OXR1: variants seen among roughly 807,000 people sequenced by gnomAD.
OXR1 encodes oxidation resistance 1.
A neutral mutation model predicts 104.6 loss-of-function variants in OXR1; 41 were observed. The observed-to-expected ratio is 0.39, with a 90% CI of 0.31 to 0.51. The LOEUF is 0.51. Among genes scored for constraint, OXR1 ranks in the 20% least tolerant of loss-of-function variants. The pLI is 0.77. For synonymous variants in OXR1, 348 were observed against 348.4 expected (o/e 1.00, Z 0.01); for missense variants, 955 against 1,031.9 (o/e 0.93, Z 1.02).
chr8:106,424,541 T>TA (rs1819032108), intron 2 of OXR1, among the ~76,000 whole-genome samples: 1 of 152,166 alleles, frequency 6.6e-6, no homozygotes, highest in African/African-American at 2.4e-5. Context: ...TGGTCATACT[T>TA]AGATTGTTTC....
chr8:106,357,949 G>A (rs1816051189), intron 1 of OXR1, among the ~76,000 whole-genome samples: 1 of 152,088 alleles, frequency 6.6e-6, no homozygotes, highest in African/African-American at 2.4e-5. Flanking sequence ...CTTACCGACA[G>A]GCACTTTGGT....
At chr8:106,549,425 T>C (rs532157556) in intron 3 of OXR1, among the ~76,000 whole-genome samples, 172 of 152,334 alleles carry the variant, frequency 1.1e-3, no homozygotes, top group Non-Finnish European at 1.9e-3. Flanking sequence ...TTAGCAAATA[T>C]GTATGAACAC....
At chr8:106,697,557 A>G in intron 7 of OXR1, 1 of 1,611,474 alleles carries the variant, frequency 6.2e-7, no homozygotes, top group African/African-American at 1.3e-5. Context: ...TGGATTTCTT[A>G]GGGAACCAGT....
At chr8:106,723,888 C>T (rs938717798) in intron 11 of OXR1, among the ~76,000 whole-genome samples, 4 of 152,044 alleles carry the variant, frequency 2.6e-5, no homozygotes, top group East Asian at 3.8e-4. Flanking sequence ...CTCCTGGGCT[C>T]AAGAGGTCCT....
intron 2 of OXR1, among the ~76,000 whole-genome samples, chr8:106,391,457 C>G (rs1170075585): frequency 6.6e-6 from 1 of 152,022 alleles, no homozygotes; most frequent in Non-Finnish European, 1.5e-5. Context: ...ACATACACTC[C>G]TTGACTTGAG....
intron 2 of OXR1, among the ~76,000 whole-genome samples, chr8:106,405,630 A>C (rs1452597479): frequency 6.6e-6 from 1 of 152,170 alleles, no homozygotes; most frequent in African/African-American, 2.4e-5. Context: ...GAACAATCAT[A>C]GGCTAACTTG....
chr8:106,498,284 T>C (rs1811548898), intron 2 of OXR1, among the ~76,000 whole-genome samples: 3 of 152,222 alleles, frequency 2.0e-5, no homozygotes, highest in African/African-American at 7.2e-5. Context: ...GTTTATTGCC[T>C]AGATAATAAA....
intron 3 of OXR1, among the ~76,000 whole-genome samples, chr8:106,657,161 T>C (rs1436400503): frequency 2.6e-5 from 4 of 152,138 alleles, no homozygotes; most frequent in African/African-American, 9.7e-5. Context: ...ATCCGCAAAC[T>C]AAATCCCTCA....
intron 7 of OXR1, among the ~76,000 whole-genome samples, chr8:106,700,040 T>C (rs1299551663): frequency 6.6e-6 from 1 of 152,154 alleles, no homozygotes; most frequent in African/African-American, 2.4e-5. Context: ...GCAGATAGAC[T>C]TTATTTTTTT....
chr8:106,294,892 A>G (rs1403464951), intron 1 of OXR1, among the ~76,000 whole-genome samples: 1 of 152,016 alleles, frequency 6.6e-6, no homozygotes, highest in Non-Finnish European at 1.5e-5. Flanking sequence ...TAACCATTCT[A>G]CATGTTTTTC....
rs999804930 is a variant in OXR1, at chr8:106,599,438, C to T, written c.221-79772C>T. Among the ~76,000 whole-genome samples, 8 of 152,218 alleles carry T rather than the reference C, an allele frequency of 5.3e-5. No individual in the cohort carries two copies. The East Asian group carries it at 9.6e-4, about 18-fold the overall frequency. On this transcript the variant is annotated intron_variant, in intron 3 of 16. Coordinates refer to ENST00000517566, the MANE Select transcript of OXR1 (RefSeq NM_001198533.2). ...TATATTTTTTCCTTCTAATGTCTGA[C>T]CTGGATCATATTTATTCCTCAACCA...
intron 11 of OXR1, among the ~76,000 whole-genome samples, chr8:106,728,588 G>A (rs757255969): frequency 2.0e-5 from 3 of 152,130 alleles, no homozygotes; most frequent in Non-Finnish European, 2.9e-5. Context: ...AGTTAGCTTC[G>A]ATGAGAACCA....
intron 3 of OXR1, among the ~76,000 whole-genome samples, chr8:106,669,220 C>T (rs1826669608): frequency 6.6e-6 from 1 of 151,984 alleles, no homozygotes; most frequent in South Asian, 2.1e-4. Context: ...GTGGAAAAGC[C>T]CATCAAATTT....
intron 2 of OXR1, among the ~76,000 whole-genome samples, chr8:106,382,454 G>A (rs1817185737): frequency 1.3e-5 from 2 of 152,078 alleles, no homozygotes; most frequent in Non-Finnish European, 2.9e-5. Flanking sequence ...TCCTGTCCAT[G>A]GATTCCTTCA....
chr8:106,524,588 C>A (rs892709793), intron 3 of OXR1, among the ~76,000 whole-genome samples: 1 of 152,190 alleles, frequency 6.6e-6, no homozygotes, highest in Non-Finnish European at 1.5e-5. Flanking sequence ...CCTGATCAAT[C>A]CCTGCTGTGT....
intron 1 of OXR1, among the ~76,000 whole-genome samples, chr8:106,301,120 TG>T (rs1305716333): frequency 3.9e-5 from 6 of 152,188 alleles, no homozygotes; most frequent in Non-Finnish European, 7.3e-5. Flanking sequence ...AATAGTGTTT[TG>T]GGGGGCATAA....
intron 2 of OXR1, among the ~76,000 whole-genome samples, chr8:106,428,255 C>T (rs766641378): frequency 1.1e-4 from 17 of 152,146 alleles, no homozygotes; most frequent in Non-Finnish European, 2.1e-4. Context: ...TTCATCCTCA[C>T]GGTCACAAGA....
chr8:106,665,271 G>A (rs1587004668), intron 3 of OXR1, among the ~76,000 whole-genome samples: 1 of 152,092 alleles, frequency 6.6e-6, no homozygotes, highest in South Asian at 2.1e-4. Flanking sequence ...TTAAGCTAAT[G>A]TGCACATCTT....
chr8:106,668,135 A>C (rs1273431620), intron 3 of OXR1, among the ~76,000 whole-genome samples: 1 of 152,086 alleles, frequency 6.6e-6, no homozygotes, highest in Admixed American at 6.6e-5. Context: ...TACATTGTCC[A>C]TGTTTGTAAC....
Sources: allele counts gnomAD v4.1 joint callset (sites outside exome capture counted in the v4.1 genomes callset), GRCh38; gene constraint gnomAD v4.1.1; transcripts MANE v1.5; gene names NCBI Gene and HGNC (gene_info 2026-07-23, HGNC 2026-07-21).